The following LAMB1 variants were observed in gnomAD, a reference collection of about 807,000 sequenced individuals.
LAMB1 encodes laminin subunit beta 1, also known as laminin subunit beta-1.
A neutral mutation model predicts 222.3 loss-of-function variants in LAMB1; 121 were observed. That is an observed-to-expected ratio of 0.54 (90% confidence interval 0.47 to 0.63). The LOEUF (loss-of-function observed/expected upper bound fraction) is 0.63, where lower values mean the gene tolerates loss of function less well. LAMB1 is among the 30% of genes least tolerant of loss of function. The pLI is 0.00. For missense variants in LAMB1, 2,172 were observed against 2,240.8 expected (o/e 0.97, Z 0.62); for synonymous variants, 794 against 807.2 (o/e 0.98, Z 0.28).
chr7:107,986,366 A>C lies in LAMB1; in HGVS notation c.424-3T>G. The C allele has an allele frequency of 6.4e-7, 1 of 1,564,690 alleles. No individual in the cohort carries two copies. Among genetic ancestry groups the C allele is most frequent in the Non-Finnish European group, 8.7e-7 (1 of 1,153,412 alleles). On this transcript the variant is annotated splice_polypyrimidine_tract_variant and splice_region_variant and intron_variant, in intron 5 of 33. Transcript: ENST00000222399. ...AGCATAGCAGCTGGACGGAATGTCTAAAGGCAGGAGCAAAAATCTCATTTG... is the reference window on the plus strand; with the variant it reads ...AGCATAGCAGCTGGACGGAATGTCTCAAGGCAGGAGCAAAAATCTCATTTG...
chr7:107,964,719 T>C (rs1414412795), intron 13 of LAMB1, 32 bp from the exon 14 acceptor site: 1 of 1,612,764 alleles, frequency 6.2e-7, no homozygotes, highest in African/African-American at 1.3e-5. Context: ...ATCAGCTGAG[T>C]TCATGGTCAC....
In LAMB1 at chr7:107,939,971, G is replaced by A; in HGVS notation, c.3761+18C>T. The A allele has an allele frequency of 6.2e-7, 1 of 1,605,278 alleles. No homozygotes were observed. Among genetic ancestry groups the A allele is most frequent in the African/African-American group, 1.3e-5 (1 of 74,806 alleles). ...TTTCAGCTTTATGAGTAATTCCTCTGGCTCATTAACTACTTACTCTGCTTC... is the reference window on the plus strand; with the variant it reads ...TTTCAGCTTTATGAGTAATTCCTCTAGCTCATTAACTACTTACTCTGCTTC... On this transcript the variant is annotated intron_variant, in intron 25 of 33. Transcript: ENST00000222399.
chr7:107,975,373 A>G lies in LAMB1; in HGVS notation c.1230T>C (p.Ile410=), dbSNP rs1461672760. 6.2e-7 allele frequency: 1 copy of G among 1,613,598 alleles called. No homozygotes were observed. The highest frequency in any genetic ancestry group is 8.5e-7 in the Non-Finnish European group (1 of 1,179,886). The change falls in exon 11 of 34, where the codon ATT becomes ATC. Residue 410 remains isoleucine (I), a synonymous_variant. Transcript: ENST00000222399. The part of the protein sequence containing the change: ...CDPAGSQNEG[I]CDSYTDFSTG... The stretch of plus-strand genomic sequence containing the variant: ...TAGAAAAATCAGTATAGCTGTCACA[A>G]ATTCCCTCATTTTGAGAGCCAGCTG...
chr7:107,964,785 C>G (rs1178925291), intron 13 of LAMB1, 98 bp from the exon 14 acceptor site: 3 of 1,288,756 alleles, frequency 2.3e-6, no homozygotes, highest in Non-Finnish European at 3.3e-6. Context: ...TACACAGGAC[C>G]AAATACATAG....
At chr7:107,970,769 T>C in intron 13 of LAMB1, among the ~76,000 whole-genome samples, 1 of 152,020 alleles carries the variant, frequency 6.6e-6, no homozygotes, top group East Asian at 1.9e-4. Flanking sequence ...TCTTGCTCTG[T>C]TGCCTAGGCT....
At position 107,929,595 on chromosome 7, in the gene LAMB1, A is replaced by T; in HGVS notation, c.4562T>A (p.Ile1521Asn). Residue 1521 changes from isoleucine (I) to asparagine (N), a missense_variant, in exon 30 of 34, where the codon ATT becomes AAT. Ile to Asn is a moderately radical substitution (Grantham distance 149, BLOSUM62 -3). Coordinates refer to ENST00000222399, the MANE Select transcript of LAMB1 (RefSeq NM_002291.3). ...CAATACTTCATTAGCAACTGCTTCA[A>T]TGCTGTCCAAATCAGCACTATCCTC... ...LTQDSADLDS[I>N]EAVANEVLKM... is the part of the protein sequence containing the mutation. The T allele has an allele frequency of 6.2e-7, 1 of 1,614,090 alleles. No individual in the cohort carries two copies. Among genetic ancestry groups the T allele is most frequent in the Non-Finnish European group, 8.5e-7 (1 of 1,179,964 alleles).
chr7:107,977,977 A>G (rs2033901034), intron 9 of LAMB1, 70 bp downstream of exon 9: 6 of 1,564,218 alleles, frequency 3.8e-6, no homozygotes, highest in Non-Finnish European at 5.3e-6. Flanking sequence ...ACACTGTTAC[A>G]GTACCTCTAA....
In LAMB1 at chr7:107,986,061, C is replaced by G. The variant is rs1248497799; in HGVS notation, c.637G>C (p.Ala213Pro). The change falls in exon 7 of 34, where the codon GCT (alanine) becomes CCT (proline). Residue 213 changes from alanine to proline, a missense_variant. Transcript: ENST00000222399. The part of the protein sequence containing the change: ...GEVIFRALDP[A>P]FKIEDPYSPR... ...CTATAAGGATCTTCTATTTTGAAAG[C>G]AGGATCTAAAGCACGAAATATCACC... is the stretch of plus-strand genomic sequence containing the variant. 1 of 1,612,498 alleles carries G rather than the reference C, an allele frequency of 6.2e-7. No homozygotes were observed. The highest frequency in any genetic ancestry group is 8.5e-7 in the Non-Finnish European group (1 of 1,178,506).
At chr7:107,996,737 C>T (rs1431268536) in intron 4 of LAMB1, among the ~76,000 whole-genome samples, 1 of 152,190 alleles carries the variant, frequency 6.6e-6, no homozygotes, top group Non-Finnish European at 1.5e-5. Flanking sequence ...CTCGACATAA[C>T]TAAGAAAAAC....
At chr7:107,985,700 G>A (rs1287045829) in intron 7 of LAMB1, among the ~76,000 whole-genome samples, 1 of 152,016 alleles carries the variant, frequency 6.6e-6, no homozygotes, top group African/African-American at 2.4e-5. Flanking sequence ...GCTCATGCCT[G>A]TAATCCCAGC....
chr7:107,938,214 T>C (rs1355821919), intron 25 of LAMB1, among the ~76,000 whole-genome samples: 2 of 152,198 alleles, frequency 1.3e-5, no homozygotes, highest in Non-Finnish European at 2.9e-5. Context: ...AAAAATGATA[T>C]GTAAGGCTGA....
Position 107,975,081 on chromosome 7 carries a change from G to C in LAMB1, c.1387C>G (p.Leu463Val). ...FGCKSCACNP[L>V]GTIPGGNPCD... ...GGATTCCCTCCAGGAATTGTTCCCA[G>C]AGGATTGCAAGCACAAGCTGTATTA... Residue 463 changes from leucine (L) to valine (V), a missense_variant, in exon 12 of 34, where the codon CTG becomes GTG. Physicochemically the swap from Leu to Val is conservative, Grantham distance 32. Coordinates refer to ENST00000222399, the MANE Select transcript of LAMB1 (RefSeq NM_002291.3). The C allele has an allele frequency of 6.2e-7, 1 of 1,610,854 alleles. No individual in the cohort carries two copies. Among genetic ancestry groups the C allele is most frequent in the African/African-American group, 1.3e-5 (1 of 74,944 alleles).
chr7:107,949,415 C>T (rs2033193383), intron 24 of LAMB1, among the ~76,000 whole-genome samples: 1 of 152,156 alleles, frequency 6.6e-6, no homozygotes, highest in East Asian at 1.9e-4. Flanking sequence ...GTATGTGCAA[C>T]GATAGAGCCA....
chr7:107,927,500 G>C (rs1031308579), intron 31 of LAMB1, among the ~76,000 whole-genome samples: 9 of 152,064 alleles, frequency 5.9e-5, no homozygotes, highest in Admixed American at 1.3e-4. Context: ...TGCAGTGACT[G>C]TTTGTTTACA....
At position 107,959,819 on chromosome 7, in the gene LAMB1, G is replaced by A. The variant is rs928402635; in HGVS notation, c.2330C>T (p.Pro777Leu). 1.9e-6 allele frequency: 3 copies of A among 1,613,202 alleles called. No homozygotes were observed. The highest frequency in any genetic ancestry group is 1.7e-6 in the Non-Finnish European group (2 of 1,179,580). ...ACACACGGAACTTAACGAACCCTGA[G>A]GGTCGCATTCACAAGCTGTGGGTAA... is the stretch of plus-strand genomic sequence containing the variant. ...HQTGLACECD[P>L]QGSLSSVCDP... The change falls in exon 19 of 34, where the codon CCT becomes CTT. Residue 777 changes from proline (P) to leucine (L), a missense_variant. Pro to Leu is a moderately conservative substitution (Grantham distance 98). Coordinates refer to ENST00000222399, the MANE Select transcript of LAMB1 (RefSeq NM_002291.3).
intron 29 of LAMB1, chr7:107,930,078 T>TTCA: frequency 6.2e-6 from 1 of 162,338 alleles, no homozygotes. Flanking sequence ...GTTGGACGAA[T>TTCA]AGCTCAGAAA....
intron 24 of LAMB1, among the ~76,000 whole-genome samples, chr7:107,940,776 C>T (rs1016191644): frequency 1.3e-5 from 2 of 152,152 alleles, no homozygotes; most frequent in African/African-American, 4.8e-5. Flanking sequence ...ATACTCTTCA[C>T]CTCCGTCCTG....
intron 15 of LAMB1, among the ~76,000 whole-genome samples, chr7:107,962,287 T>C (rs899967525): frequency 6.6e-5 from 10 of 152,196 alleles, no homozygotes; most frequent in African/African-American, 2.4e-4. Flanking sequence ...AGTTCGGGGC[T>C]TCAGTCTGTC....
At position 107,975,257 on chromosome 7, in the gene LAMB1, C is replaced by G; in HGVS notation, c.1346G>C (p.Ser449Thr). The change falls in exon 11 of 34, where the codon AGT (serine) becomes ACT (threonine). Residue 449 changes from serine (S) to threonine (T), a missense_variant. Transcript: ENST00000222399. Reference sequence around the variant, plus strand: ...ACATTTACAACCAAATGGATCTTCACTGCTTAAATCATAGAAGCCTTCTTT... The same window carrying G: ...ACATTTACAACCAAATGGATCTTCAGTGCTTAAATCATAGAAGCCTTCTTT... Reference protein sequence around the residue: ...VCKEGFYDLSSEDPFGCKSCA... With the variant: ...VCKEGFYDLSTEDPFGCKSCA... The G allele has an allele frequency of 6.2e-7, 1 of 1,613,728 alleles. No individual in the cohort carries two copies. The highest frequency in any genetic ancestry group is 8.5e-7 in the Non-Finnish European group (1 of 1,179,804).
Sources: allele counts gnomAD v4.1 joint callset (sites outside exome capture counted in the v4.1 genomes callset), GRCh38; gene constraint gnomAD v4.1.1; transcripts MANE v1.5; gene names NCBI Gene and HGNC (gene_info 2026-07-23, HGNC 2026-07-21).